The following SMIM7 variants were observed in gnomAD, a reference collection of about 807,000 sequenced individuals.
SMIM7 encodes small integral membrane protein 7, also known as UPF0608 protein C19orf42.
SMIM7 carries 12 observed loss-of-function variants against 13.3 expected under a neutral mutation model. The ratio of observed to expected loss-of-function variants is 0.90; its 90% CI spans 0.58 to 1.46. The LOEUF (loss-of-function observed/expected upper bound fraction) is 1.46, where lower values mean the gene tolerates loss of function less well. Among genes scored for constraint, SMIM7 ranks in the 40% most tolerant of loss-of-function variants. The pLI, the probability that SMIM7 is intolerant of heterozygous loss-of-function variation, is 0.00. For synonymous variants in SMIM7, 36 were observed against 35.8 expected, an observed-to-expected ratio of 1.01 and a Z score of -0.02; for missense variants, 114 against 94.8, an observed-to-expected ratio of 1.20 and a Z score of -0.84.
intron 4 of SMIM7, among the ~76,000 whole-genome samples, chr19:16,649,517 G>A (rs974301622): frequency 2.0e-5 from 3 of 152,114 alleles, no homozygotes; most frequent in South Asian, 2.1e-4. Flanking sequence ...AGGTTGCAGT[G>A]AGCTGAGAAC....
At chr19:16,647,551 A>AT (rs2086466367) in intron 4 of SMIM7, among the ~76,000 whole-genome samples, 1 of 148,424 alleles carries the variant, frequency 6.7e-6, no homozygotes, top group African/African-American at 2.5e-5. Context: ...TGCATCCGAG[A>AT]TTCAAGCGAT....
chr19:16,636,326 A>G (rs1279460231), intron 4 of SMIM7: 1 of 152,186 alleles, frequency 6.6e-6, no homozygotes, highest in Non-Finnish European at 1.5e-5. Flanking sequence ...GCTAGCCTAC[A>G]GAGACCCATT....
chr19:16,648,056 T>C (rs1195248576), intron 4 of SMIM7, among the ~76,000 whole-genome samples: 9 of 152,320 alleles, frequency 5.9e-5, no homozygotes, highest in Non-Finnish European at 2.9e-5. Context: ...CTTTGTAACC[T>C]TGGGTTACAC....
At chr19:16,659,474 C>T in intron 2 of SMIM7, 27 bp from the exon 3 acceptor site, 1 of 1,607,762 alleles carries the variant, frequency 6.2e-7, no homozygotes. Flanking sequence ...ACAGTGTCCA[C>T]TTTCAATGGG....
At chr19:16,653,526 T>C (rs1333214639) in intron 4 of SMIM7, among the ~76,000 whole-genome samples, 1 of 150,768 alleles carries the variant, frequency 6.6e-6, no homozygotes, top group Non-Finnish European at 1.5e-5. Flanking sequence ...GAGGTTGCAG[T>C]GAGCCGAGAT....
At chr19:16,654,625 T>G (rs1292741073) in intron 3 of SMIM7, among the ~76,000 whole-genome samples, 2 of 152,040 alleles carry the variant, frequency 1.3e-5, no homozygotes, top group African/African-American at 2.4e-5. Context: ...CAAGTGATCC[T>G]CCCGCCTAAG....
At chr19:16,637,462 G>A (rs535960509) in intron 4 of SMIM7, among the ~76,000 whole-genome samples, 14 of 152,278 alleles carry the variant, frequency 9.2e-5, no homozygotes, top group African/African-American at 2.4e-4. Context: ...AGCCATGATC[G>A]CCTCACCTGG....
At chr19:16,658,799 G>A (rs1339001047) in intron 3 of SMIM7, among the ~76,000 whole-genome samples, 1 of 152,060 alleles carries the variant, frequency 6.6e-6, no homozygotes. Flanking sequence ...CCAAGCTAGG[G>A]CCTCTTCTCT....
At position 16,659,955 on chromosome 19, in the gene SMIM7, T is replaced by TACA. The variant is rs60167396; in HGVS notation, c.68+3_68+4insTGT. The TACA allele has an allele frequency of 6.2e-7, 1 of 1,611,842 alleles. No individual in the cohort carries two copies. Among genetic ancestry groups the TACA allele is most frequent in the Admixed American group, 1.7e-5 (1 of 59,690 alleles). ...GAGCCGCAGTCCGGCCGCGACCTAC[T>TACA]CACAGCTTAAAGTTCAGCACCGCCC... On this transcript the variant is annotated splice_donor_region_variant and intron_variant, in intron 2 of 4. Transcript: ENST00000487416.
intron 3 of SMIM7, among the ~76,000 whole-genome samples, chr19:16,655,720 T>G (rs1051481861): frequency 6.8e-6 from 1 of 147,932 alleles, no homozygotes; most frequent in Non-Finnish European, 1.5e-5. Context: ...GGCTCCAGAT[T>G]AGGTGATCTA....
chr19:16,657,404 T>G (rs58952836), intron 3 of SMIM7, among the ~76,000 whole-genome samples: 12,529 of 152,258 alleles, frequency 0.082, 776 homozygotes, highest in African/African-American at 0.17. Flanking sequence ...GGCCTGGTAG[T>G]GCCTTCCACG....
chr19:16,649,485 A>G (rs1420161100), intron 4 of SMIM7, among the ~76,000 whole-genome samples: 2 of 152,150 alleles, frequency 1.3e-5, no homozygotes, highest in African/African-American at 4.8e-5. Context: ...AGGCAGGAGA[A>G]TCACTTGAAC....
At chr19:16,653,876 C>T (rs2086561770) in intron 4 of SMIM7, 159 bp downstream of exon 4, 5 of 649,564 alleles carry the variant, frequency 7.7e-6, no homozygotes, top group African/African-American at 5.5e-5. Flanking sequence ...GTTTAGGCGA[C>T]AGAGCAAGAT....
chr19:16,655,679 T>TCA (rs1198683413), intron 3 of SMIM7, among the ~76,000 whole-genome samples: 5 of 41,662 alleles, frequency 1.2e-4, no homozygotes, highest in Non-Finnish European at 1.8e-4. Flanking sequence ...AGACTCCATC[T>TCA]CAAAAAAAAA....
intron 4 of SMIM7, chr19:16,640,220 G>C (rs1187445759): frequency 6.6e-6 from 1 of 152,216 alleles, no homozygotes; most frequent in East Asian, 1.9e-4. Context: ...GGGATTACAG[G>C]TACGTGCCAC....
chr19:16,657,499 G>A (rs536369017), intron 3 of SMIM7, among the ~76,000 whole-genome samples: 3 of 152,324 alleles, frequency 2.0e-5, no homozygotes, highest in East Asian at 3.9e-4. Context: ...TAGTGATTGA[G>A]TGCACAACCG....
chr19:16,659,209 G>C (rs973676162), intron 3 of SMIM7, 186 bp downstream of exon 3: 7 of 671,682 alleles, frequency 1.0e-5, no homozygotes, highest in Non-Finnish European at 1.9e-5. Flanking sequence ...CTTTAGCTCA[G>C]GAGGTCGAGT....
intron 4 of SMIM7, chr19:16,652,685 C>T (rs777963869): frequency 3.7e-5 from 52 of 1,420,296 alleles, no homozygotes; most frequent in Non-Finnish European, 4.6e-5. Context: ...CTCCTATGTC[C>T]TGGAAGCATC....
chr19:16,646,086 A>T (rs1375729189), downstream of SMIM7: 1 of 152,034 alleles, frequency 6.6e-6, no homozygotes, highest in East Asian at 1.9e-4. Flanking sequence ...GGTAAATTCA[A>T]AAGGACTCAG....
Sources: allele counts gnomAD v4.1 joint callset (sites outside exome capture counted in the v4.1 genomes callset), GRCh38; gene constraint gnomAD v4.1.1; transcripts MANE v1.5; gene names NCBI Gene and HGNC (gene_info 2026-07-23, HGNC 2026-07-21).